Variants in OSBPL1A observed in about 807,000 individuals in gnomAD.
OSBPL1A encodes oxysterol binding protein like 1A.
Under a neutral mutation model 137.1 loss-of-function variants are expected in OSBPL1A, and 80 were observed. That is an observed-to-expected ratio of 0.58 (90% CI 0.49 to 0.70). OSBPL1A has a LOEUF of 0.70. Ranked by LOEUF, OSBPL1A falls within the 30% of genes least tolerant of loss-of-function variation. The pLI, the probability that OSBPL1A is intolerant of heterozygous loss-of-function variation, is 0.00. For synonymous variants in OSBPL1A, 365 were observed against 389.7 expected (o/e 0.94, Z 0.75); for missense variants, 970 against 1,129.4 (o/e 0.86, Z 2.02).
intron 15 of OSBPL1A, among the ~76,000 whole-genome samples, chr18:24,273,608 ACATTCATTATT>A (rs1277599992): frequency 6.6e-6 from 1 of 152,262 alleles, no homozygotes; most frequent in Admixed American, 6.5e-5. Flanking sequence ...TTTCCTTTGT[ACATTCATTATT>A]CATTCATTCA....
intron 14 of OSBPL1A, among the ~76,000 whole-genome samples, chr18:24,290,881 GA>G (rs2146086561): frequency 6.6e-6 from 1 of 152,220 alleles, no homozygotes; most frequent in South Asian, 2.1e-4. Context: ...AGGGAAGAAG[GA>G]CACTTTCTTG....
intron 15 of OSBPL1A, among the ~76,000 whole-genome samples, chr18:24,253,264 CGAAGGGATA>C (rs975667521): frequency 4.1e-5 from 6 of 146,716 alleles, no homozygotes; most frequent in Non-Finnish European, 8.9e-5. Flanking sequence ...AGAGTGAAAA[CGAAGGGATA>C]GAAAAAGACA....
rs1287430603 is a variant in OSBPL1A, at chr18:24,225,133, C to T, written c.1510G>A (p.Gly504Arg). The change falls in exon 17 of 28, where the codon GGA becomes AGA. Residue 504 changes from glycine (G) to arginine (R), a missense_variant. Gly to Arg is a moderately radical substitution (Grantham distance 125). Around this residue, in one of 2 missense-constraint regions of OSBPL1A, gnomAD observed 647 missense variants for 672.6 expected, o/e 0.96. Coordinates refer to ENST00000319481, the MANE Select transcript of OSBPL1A (RefSeq NM_080597.4). ...TGTTTTCTACTGCCCAAATGCTCTC[C>T]TTCCTCTTCAAAGGAGCGTGCTGTC... Reference protein sequence around the residue: ...AVTARSFEEEGEHLGSRKHRM... With the variant: ...AVTARSFEEEREHLGSRKHRM... 6 of 1,614,180 alleles carry T rather than the reference C, an allele frequency of 3.7e-6. No individual in the cohort carries two copies. The highest frequency in any genetic ancestry group is 1.3e-5 in the African/African-American group (1 of 75,054).
chr18:24,341,477 G>A, intron 5 of OSBPL1A, 70 bp downstream of exon 5: 1 of 1,148,838 alleles, frequency 8.7e-7, no homozygotes, highest in African/African-American at 1.5e-5. Context: ...TTTCTCAGAA[G>A]CCATTTTTAG....
chr18:24,197,610 T>C (rs2087072044), intron 17 of OSBPL1A, among the ~76,000 whole-genome samples: 1 of 152,076 alleles, frequency 6.6e-6, no homozygotes, highest in Non-Finnish European at 1.5e-5. Context: ...GCTGGATAAG[T>C]GGCCACAGAT....
At chr18:24,397,349 AG>A (rs991946035) in intron 1 of OSBPL1A, among the ~76,000 whole-genome samples, 5 of 152,232 alleles carry the variant, frequency 3.3e-5, no homozygotes, top group Admixed American at 6.5e-5. Context: ...AAGATCTGGT[AG>A]GGGATGCATG....
rs1234514137 is a variant in OSBPL1A, at chr18:24,315,816, A to AAAAATATAATAT, written c.870+1332_870+1333insATATTATATTTT. Reference sequence around the variant, plus strand: ...AATATATAGTATATATTATATAATAAAATATATAATATATAGTATATATTA... The same window carrying AAAAATATAATAT: ...AATATATAGTATATATTATATAATAAAAAATATAATATAATATATAATATATAGTATATATTA... On this transcript the variant is annotated intron_variant, in intron 11 of 27. Transcript: ENST00000319481. Among the ~76,000 whole-genome samples the AAAAATATAATAT allele has an allele frequency of 7.4e-4, 50 of 67,812 alleles. 1 individual carries two copies. The East Asian group carries it at 0.011, about 14-fold the overall frequency. 44.5% of individuals were successfully genotyped at this position (67,812 alleles called of 152,430 possible). A position where few individuals can be genotyped will look rare whatever the true frequency, so the allele number is the denominator to read the frequency against.
intron 21 of OSBPL1A, among the ~76,000 whole-genome samples, chr18:24,174,674 GTATAAA>G (rs779357712): frequency 6.6e-6 from 1 of 152,134 alleles, no homozygotes; most frequent in Non-Finnish European, 1.5e-5. Context: ...ATTGTAATAG[GTATAAA>G]TATAAATTGT....
intron 1 of OSBPL1A, among the ~76,000 whole-genome samples, chr18:24,377,815 G>T (rs1906303804): frequency 6.6e-6 from 1 of 152,196 alleles, no homozygotes; most frequent in Non-Finnish European, 1.5e-5. Flanking sequence ...TAAGCTGTTT[G>T]TTGTAAGATT....
chr18:24,293,644 A>G (rs2090232579), intron 14 of OSBPL1A, among the ~76,000 whole-genome samples: 1 of 152,168 alleles, frequency 6.6e-6, no homozygotes, highest in Admixed American at 6.5e-5. Flanking sequence ...AGAAGAGGGA[A>G]CAGCACACGA....
chr18:24,283,050 T>C (rs537270802), intron 14 of OSBPL1A, among the ~76,000 whole-genome samples: 5 of 151,554 alleles, frequency 3.3e-5, no homozygotes, highest in Admixed American at 1.3e-4. Flanking sequence ...TCAAGTTTTC[T>C]ATACTACTGT....
At chr18:24,240,010 G>A (rs1376158405) in intron 15 of OSBPL1A, among the ~76,000 whole-genome samples, 27 of 137,654 alleles carry the variant, frequency 2.0e-4, no homozygotes, top group Admixed American at 1.5e-3. Flanking sequence ...TGAAACCTCC[G>A]CCTCTTGGGT....
At chr18:24,299,469 C>CT (rs1307109088) in intron 14 of OSBPL1A, among the ~76,000 whole-genome samples, 4 of 152,114 alleles carry the variant, frequency 2.6e-5, no homozygotes, top group African/African-American at 7.2e-5. Flanking sequence ...CTGAAAATGA[C>CT]TTCATTTCTC....
chr18:24,311,712 C>T (rs1390843175), intron 13 of OSBPL1A, among the ~76,000 whole-genome samples: 1 of 152,192 alleles, frequency 6.6e-6, no homozygotes, highest in Non-Finnish European at 1.5e-5. Context: ...AAATGACGGT[C>T]TGTTAACAGC....
chr18:24,216,098 G>GA (rs1303217560), intron 17 of OSBPL1A, among the ~76,000 whole-genome samples: 1 of 152,126 alleles, frequency 6.6e-6, no homozygotes, highest in Non-Finnish European at 1.5e-5. Context: ...AGTATCAAGG[G>GA]ACCCAGGTAC....
chr18:24,356,961 T>C (rs946302110), intron 4 of OSBPL1A, among the ~76,000 whole-genome samples: 5 of 152,156 alleles, frequency 3.3e-5, no homozygotes, highest in Admixed American at 1.3e-4. Context: ...AAATGTACCT[T>C]TTCTATCCCT....
At chr18:24,368,533 G>T in intron 2 of OSBPL1A, 161 bp from the exon 3 acceptor site, 1 of 588,210 alleles carries the variant, frequency 1.7e-6, no homozygotes, top group Non-Finnish European at 3.1e-6. Flanking sequence ...GGGTGTAAAG[G>T]ACGAGAACTC....
chr18:24,263,075 C>T (rs1311747449), intron 15 of OSBPL1A, among the ~76,000 whole-genome samples: 4 of 152,082 alleles, frequency 2.6e-5, no homozygotes, highest in Non-Finnish European at 5.9e-5. Flanking sequence ...ATATGGTAAA[C>T]ATTGTTAGGC....
At chr18:24,282,713 A>C (rs566211703) in intron 14 of OSBPL1A, among the ~76,000 whole-genome samples, 1 of 152,346 alleles carries the variant, frequency 6.6e-6, no homozygotes, top group Non-Finnish European at 1.5e-5. Context: ...GATCCTTTAA[A>C]TCTGTCCCTT....
Sources: allele counts gnomAD v4.1 joint callset (sites outside exome capture counted in the v4.1 genomes callset), GRCh38; gene constraint gnomAD v4.1.1; regional missense constraint gnomAD v4.1.1; transcripts MANE v1.5; gene names NCBI Gene and HGNC (gene_info 2026-07-23, HGNC 2026-07-21).